The following DIP2C variants were observed in gnomAD, a reference collection of about 807,000 sequenced individuals.
DIP2C encodes DIP2 acetate--CoA ligase C (putative).
DIP2C carries 33 observed loss-of-function variants against 192.4 expected under a neutral mutation model. The observed-to-expected ratio is 0.17, with a 90% CI of 0.13 to 0.23. The LOEUF is 0.23. DIP2C is among the 10% of genes least tolerant of loss of function. The pLI is 1.00. For synonymous variants in DIP2C, 979 were observed against 864.1 expected (o/e 1.13, Z -2.33); for missense variants, 1,537 against 2,110.1 (o/e 0.73, Z 5.32).
intron 8 of DIP2C, among the ~76,000 whole-genome samples, chr10:413,611 G>A (rs550861231): frequency 7.9e-5 from 12 of 152,312 alleles, no homozygotes; most frequent in African/African-American, 2.4e-4. Flanking sequence ...GAAACATAAG[G>A]CAGCACAAAA....
chr10:651,797 G>T lies in DIP2C; in HGVS notation c.85+37697C>A, dbSNP rs140924842. 3.2e-5 allele frequency: 8 copies of T among 249,732 alleles called. No homozygotes were observed. The East Asian group carries it at 9.1e-4, about 29-fold the overall frequency. The allele number at this position is 249,732 out of a possible 1,614,324, so 15.5% of individuals were successfully genotyped here. ...CCACCCAGGTCATCAGTCATCATCA[G>T]CAGCAGCTGCGGCATGAGAGAGATG... On this transcript the variant is annotated intron_variant, in intron 1 of 36. Coordinates refer to ENST00000280886, the MANE Select transcript of DIP2C (RefSeq NM_014974.3). This position sits in a 1 kb window ranked among gnomAD's most constrained non-coding sequence, Gnocchi z 4.1.
At chr10:441,937 G>C (rs1051975904) in intron 3 of DIP2C, among the ~76,000 whole-genome samples, 1 of 147,394 alleles carries the variant, frequency 6.8e-6, no homozygotes, top group Admixed American at 6.8e-5. Flanking sequence ...GGACAAGACA[G>C]GTGACAGACG....
intron 1 of DIP2C, among the ~76,000 whole-genome samples, chr10:562,584 C>T (rs753481078): frequency 1.3e-5 from 2 of 152,208 alleles, no homozygotes; most frequent in Non-Finnish European, 2.9e-5. Context: ...AGTTGGCATT[C>T]CAACAGGATT....
chr10:367,093 T>C (rs1960322539), intron 18 of DIP2C, among the ~76,000 whole-genome samples: 1 of 152,058 alleles, frequency 6.6e-6, no homozygotes, highest in Admixed American at 6.5e-5. Context: ...TACAGAACAG[T>C]GGAAACATAA....
intron 24 of DIP2C, among the ~76,000 whole-genome samples, chr10:351,042 T>C (rs1328974786): frequency 6.6e-6 from 1 of 151,904 alleles, no homozygotes; most frequent in Non-Finnish European, 1.5e-5. Flanking sequence ...GACCGGACGC[T>C]GTGATTCAGA....
chr10:356,790 GAGA>G (rs936532311), intron 23 of DIP2C, among the ~76,000 whole-genome samples: 1 of 152,204 alleles, frequency 6.6e-6, no homozygotes, highest in African/African-American at 2.4e-5. Flanking sequence ...ACCCTGGTGT[GAGA>G]AGTTTTCTGA....
intron 5 of DIP2C, among the ~76,000 whole-genome samples, chr10:420,252 G>T (rs1213756705): frequency 6.6e-6 from 1 of 152,262 alleles, no homozygotes; most frequent in Non-Finnish European, 1.5e-5. Flanking sequence ...TCGAGGCACA[G>T]AAGAGGCCGT....
chr10:477,842 GAA>G (rs201168845), intron 2 of DIP2C, among the ~76,000 whole-genome samples: 1 of 124,930 alleles, frequency 8.0e-6, no homozygotes, highest in African/African-American at 3.1e-5. Flanking sequence ...AAGGGAGAAA[GAA>G]AAAAGGAGAA....
chr10:530,653 TAAAAAAAAAA>T (rs59344971), intron 1 of DIP2C, among the ~76,000 whole-genome samples: 1 of 106,088 alleles, frequency 9.4e-6, no homozygotes, highest in Non-Finnish European at 1.9e-5. Flanking sequence ...CCCTATCTCT[TAAAAAAAAAA>T]AAAAAAAAAA....
intron 1 of DIP2C, among the ~76,000 whole-genome samples, chr10:626,247 C>T (rs965069367): frequency 6.6e-6 from 1 of 152,156 alleles, no homozygotes; most frequent in East Asian, 1.9e-4. Flanking sequence ...GGCGGAAACA[C>T]CAGGGAGCCT....
chr10:547,832 G>C (rs535880634), intron 1 of DIP2C, among the ~76,000 whole-genome samples: 2 of 151,916 alleles, frequency 1.3e-5, no homozygotes, highest in Admixed American at 6.5e-5. Flanking sequence ...CTGTTCCATC[G>C]CACCCCTGCC....
chr10:429,832 C>T (rs1966840040), intron 4 of DIP2C, among the ~76,000 whole-genome samples: 1 of 152,078 alleles, frequency 6.6e-6, no homozygotes, highest in Admixed American at 6.5e-5. Flanking sequence ...ATGAATAAGG[C>T]TGCTCTAAAT....
intron 1 of DIP2C, among the ~76,000 whole-genome samples, chr10:598,032 T>G (rs947948969): frequency 2.0e-5 from 3 of 152,222 alleles, no homozygotes. Flanking sequence ...ATTAAACGTT[T>G]AGGAGGGCCT....
At chr10:362,284 C>T (rs1207217423) in intron 22 of DIP2C, among the ~76,000 whole-genome samples, 1 of 152,190 alleles carries the variant, frequency 6.6e-6, no homozygotes, top group Non-Finnish European at 1.5e-5. Flanking sequence ...ACCCCTGAGC[C>T]TACAGAGAAT....
intron 1 of DIP2C, among the ~76,000 whole-genome samples, chr10:604,887 C>A (rs1852353827): frequency 6.6e-6 from 1 of 152,194 alleles, no homozygotes; most frequent in Non-Finnish European, 1.5e-5. Flanking sequence ...CTCGGCTGGG[C>A]ACCCGAGTTT....
intron 1 of DIP2C, among the ~76,000 whole-genome samples, chr10:581,746 G>A (rs1850677888): frequency 6.6e-6 from 1 of 152,058 alleles, no homozygotes; most frequent in South Asian, 2.1e-4. Context: ...ACCCGGTTCT[G>A]CCCAGGCCCT....
At chr10:538,594 GATCTA>G (rs1438407855) in intron 1 of DIP2C, among the ~76,000 whole-genome samples, 1 of 152,206 alleles carries the variant, frequency 6.6e-6, no homozygotes, top group Non-Finnish European at 1.5e-5. Context: ...TGTGCTCTCA[GATCTA>G]AGTCAATGTT....
At chr10:383,721 C>T (rs1016645316) in intron 16 of DIP2C, among the ~76,000 whole-genome samples, 28 of 152,106 alleles carry the variant, frequency 1.8e-4, no homozygotes, top group African/African-American at 6.8e-4. Flanking sequence ...GCCGGGGAAA[C>T]AGGGTCAGCA....
intron 8 of DIP2C, 27 bp from the exon 9 acceptor site, chr10:409,044 T>C (rs1965006074): frequency 6.2e-7 from 1 of 1,610,832 alleles, no homozygotes; most frequent in South Asian, 1.1e-5. Context: ...CAGACAAATG[T>C]GCGTATTAAA....
Sources: gnomAD v4.1 joint callset for allele counts (sites outside exome capture counted in the v4.1 genomes callset) on GRCh38, gnomAD v4.1.1 for gene constraint, Gnocchi (gnomAD v3.1) non-coding constraint, MANE v1.5 for transcripts, NCBI Gene and HGNC (gene_info 2026-07-23, HGNC 2026-07-21) for gene names.